NAP1L1: variants seen among roughly 807,000 people sequenced by gnomAD.
NAP1L1 encodes nucleosome assembly protein 1 like 1.
NAP1L1 carries 9 observed loss-of-function variants against 58.9 expected under a neutral mutation model. The observed-to-expected ratio is 0.15, with a 90% CI of 0.09 to 0.27. The LOEUF is 0.27. Among genes scored for constraint, NAP1L1 ranks in the 10% least tolerant of loss-of-function variants. NAP1L1 has a pLI of 1.00. For missense variants in NAP1L1, 302 were observed against 458.8 expected, an observed-to-expected ratio of 0.66 and a Z score of 3.12; for synonymous variants, 130 against 138.3, an observed-to-expected ratio of 0.94 and a Z score of 0.42.
rs1948608569 is a variant in NAP1L1 at position 76,046,419 on chromosome 12, C to T, written c.*2010G>A. ...AAGAATGAAAAAGATGATTTTGCTA[C>T]TTCAGTTCATTAAAAATGGGATTCT... On this transcript the variant is annotated 3_prime_UTR_variant, in exon 15 of 15. Transcript: ENST00000618691. 1 of 152,006 alleles carries T rather than the reference C, an allele frequency of 6.6e-6. No individual in the cohort carries two copies. Among genetic ancestry groups the T allele is most frequent in the Admixed American group, 6.6e-5 (1 of 15,218 alleles). The allele number at this position is 152,006 out of a possible 1,614,324, so 9.4% of individuals were successfully genotyped here. A position where few individuals can be genotyped will look rare whatever the true frequency, so the allele number is the denominator to read the frequency against.
chr12:76,066,129 TAAATAAATAAAC>T (rs766487689), intron 4 of NAP1L1, among the ~76,000 whole-genome samples: 4,829 of 116,860 alleles, frequency 0.041, 195 homozygotes, highest in African/African-American at 0.14. Flanking sequence ...AATAAATAAA[TAAATAAATAAAC>T]AAACAAACAA....
chr12:76,039,340 C>G lies in NAP1L1; in HGVS notation c.*9089G>C, dbSNP rs926035909. The G allele has an allele frequency of 2.6e-5, 4 of 152,174 alleles. No homozygotes were observed. Among genetic ancestry groups the G allele is most frequent in the Non-Finnish European group, 5.9e-5 (4 of 68,042 alleles). The allele number at this position is 152,174 out of a possible 1,614,324, so 9.4% of individuals were successfully genotyped here. ...CTGGACATGATGTATAGAGCCCCAG[C>G]AACCACTTGATAATAAACCAACTTG... On this transcript the variant is annotated 3_prime_UTR_variant, in exon 15 of 15. Transcript: ENST00000618691.
Position 76,039,321 on chromosome 12 carries a change from A to G in NAP1L1, c.*9108T>C, listed in dbSNP as rs1948528556. 6.6e-6 allele frequency: 1 copy of G among 152,168 alleles called. No homozygotes were observed. Among genetic ancestry groups the G allele is most frequent in the African/African-American group, 2.4e-5 (1 of 41,444 alleles). The allele number at this position is 152,168 out of a possible 1,614,324, so 9.4% of individuals were successfully genotyped here. A position where few individuals can be genotyped will look rare whatever the true frequency, so the allele number is the denominator to read the frequency against. On this transcript the variant is annotated 3_prime_UTR_variant, in exon 15 of 15. Coordinates refer to ENST00000618691, the MANE Select transcript of NAP1L1 (RefSeq NM_004537.7). ...CCCATCCTGTACCTTGAACCTGGAC[A>G]TGATGTATAGAGCCCCAGCAACCAC...
At chr12:76,053,701 C>A (rs1185674890) in intron 9 of NAP1L1, 69 bp downstream of exon 9, 36 of 1,528,560 alleles carry the variant, frequency 2.4e-5, no homozygotes, top group South Asian at 1.6e-4. Context: ...CTGAAAATAA[C>A]CGAGTATACA....
intron 14 of NAP1L1, chr12:76,048,969 T>C (rs1948699919): frequency 1.8e-6 from 1 of 543,144 alleles, no homozygotes. Flanking sequence ...TCACTGTACC[T>C]GAAACTATAA....
chr12:76,078,539 C>G (rs1185003630), intron 1 of NAP1L1, among the ~76,000 whole-genome samples: 1 of 152,168 alleles, frequency 6.6e-6, no homozygotes, highest in Non-Finnish European at 1.5e-5. Flanking sequence ...CAAATACATA[C>G]CTACAGACAT....
In NAP1L1 at chr12:76,053,300, T is replaced by C. The variant is rs758892896; in HGVS notation, c.821A>G (p.Lys274Arg). The C allele has an allele frequency of 3.1e-6, 5 of 1,614,044 alleles. No homozygotes were observed. Among genetic ancestry groups the C allele is most frequent in the Admixed American group, 3.3e-5 (2 of 60,032 alleles). Residue 274 changes from lysine (K) to arginine (R), a missense_variant, in exon 10 of 15, where the codon AAG becomes AGG. Lys to Arg is a conservative substitution (Grantham distance 26, BLOSUM62 2). Transcript: ENST00000618691. ...ACGTCCCTTGTGTTTCTGCTTCTTCTTAATAGTTTTCAAAGTGACATTCTT... is the reference window on the plus strand; with the variant it reads ...ACGTCCCTTGTGTTTCTGCTTCTTCCTAATAGTTTTCAAAGTGACATTCTT... ...KGKNVTLKTI[K>R]KKQKHKGRGT... is the part of the protein sequence containing the mutation.
intron 2 of NAP1L1, 149 bp from the exon 3 acceptor site, chr12:76,069,143 T>C: frequency 3.2e-6 from 2 of 626,692 alleles, no homozygotes; most frequent in South Asian, 1.9e-5. Context: ...TCTAACTTCA[T>C]ATGTAAACAA....
intron 4 of NAP1L1, among the ~76,000 whole-genome samples, chr12:76,065,782 G>C (rs377215494): frequency 7.9e-5 from 12 of 152,038 alleles, no homozygotes; most frequent in African/African-American, 2.9e-4. Flanking sequence ...AACGTTTTAA[G>C]GTTTTTTTGC....
At chr12:76,078,516 G>A (rs1003834552) in intron 1 of NAP1L1, among the ~76,000 whole-genome samples, 1 of 152,124 alleles carries the variant, frequency 6.6e-6, no homozygotes, top group East Asian at 1.9e-4. Context: ...CTTAAAAATT[G>A]TCAGACTATA....
rs141947055 is a variant in NAP1L1, at chr12:76,055,378, G to GT, written c.559-289dup. Among the ~76,000 whole-genome samples the GT allele has an allele frequency of 2.1e-4, 32 of 152,324 alleles. No individual in the cohort carries two copies. The East Asian group carries it at 5.6e-3, about 27-fold the overall frequency. On this transcript the variant is annotated intron_variant, in intron 7 of 14. Coordinates refer to ENST00000618691, the MANE Select transcript of NAP1L1 (RefSeq NM_004537.7). ...AATAAGGCATATCTACTTTTAAAAT[G>GT]TTTCCTGATTGTAATTGCTGCCTTT...
At chr12:76,069,244 G>C (rs887428736) in intron 2 of NAP1L1, among the ~76,000 whole-genome samples, 8 of 152,148 alleles carry the variant, frequency 5.3e-5, no homozygotes, top group Non-Finnish European at 8.8e-5. Context: ...TGGTTTTGCA[G>C]GTTTTTGGGG....
At chr12:76,074,113 C>A in intron 2 of NAP1L1, 90 bp downstream of exon 2, 1 of 1,139,026 alleles carries the variant, frequency 8.8e-7, no homozygotes, top group Non-Finnish European at 1.3e-6. Flanking sequence ...ACTACATTTT[C>A]ATAATATATA....
chr12:76,053,720 A>T lies in NAP1L1; in HGVS notation c.770+50T>A, dbSNP rs763346228. On this transcript the variant is annotated intron_variant, in intron 9 of 14. Transcript: ENST00000618691. ...AAATAACCGAGTATACAAATCAAGTATAACAAAAACAGAAAAAACATTTTG... is the reference window on the plus strand; with the variant it reads ...AAATAACCGAGTATACAAATCAAGTTTAACAAAAACAGAAAAAACATTTTG... 5 of 1,579,728 alleles carry T rather than the reference A, an allele frequency of 3.2e-6. No homozygotes were observed. The Admixed American group carries it at 9.2e-5, about 29-fold the overall frequency.
At chr12:76,066,179 A>G (rs967486911) in intron 4 of NAP1L1, among the ~76,000 whole-genome samples, 1 of 151,158 alleles carries the variant, frequency 6.6e-6, no homozygotes, top group Non-Finnish European at 1.5e-5. Flanking sequence ...AATGAGGCAG[A>G]AAAAAAAGGA....
intron 1 of NAP1L1, among the ~76,000 whole-genome samples, chr12:76,077,996 A>AAG (rs886513350): frequency 6.6e-5 from 10 of 150,888 alleles, no homozygotes; most frequent in African/African-American, 1.7e-4. Flanking sequence ...AAAAAAAAAA[A>AAG]AAAAAGGAAA....
intron 11 of NAP1L1, among the ~76,000 whole-genome samples, chr12:76,051,634 G>A (rs576337661): frequency 2.2e-4 from 34 of 152,052 alleles, no homozygotes; most frequent in Admixed American, 5.2e-4. Context: ...AGAGCAGCTG[G>A]GACTACAGGT....
chr12:76,068,734 T>TCACACACACACACACA lies in NAP1L1; in HGVS notation c.103+174_103+175insTGTGTGTGTGTGTGTG, dbSNP rs1334596306. 4 of 203,314 alleles carry TCACACACACACACACA rather than the reference T, an allele frequency of 2.0e-5. No homozygotes were observed. The African/African-American group carries it at 2.1e-4, about 11-fold the overall frequency. The allele number at this position is 203,314 out of a possible 1,614,324, so 12.6% of individuals were successfully genotyped here. On this transcript the variant is annotated intron_variant, in intron 3 of 14. Transcript: ENST00000618691. ...TGCTGTATCTATACCTACCCGCCCC[T>TCACACACACACACACA]TACACACACACACACACACACACAC... is the stretch of plus-strand genomic sequence containing the variant.
chr12:76,049,115 A>C, intron 14 of NAP1L1, 85 bp downstream of exon 14: 1 of 1,349,742 alleles, frequency 7.4e-7, no homozygotes, highest in Non-Finnish European at 1.1e-6. Flanking sequence ...AAAGACTTTA[A>C]CGGAGAGAAA....
Sources: allele counts gnomAD v4.1 joint callset (sites outside exome capture counted in the v4.1 genomes callset), GRCh38; gene constraint gnomAD v4.1.1; transcripts MANE v1.5; gene names NCBI Gene and HGNC (gene_info 2026-07-23, HGNC 2026-07-21).